The following REXO5 variants were observed in gnomAD, a reference collection of about 807,000 sequenced individuals.
REXO5 encodes the protein RNA exonuclease 5.
REXO5 carries 48 observed loss-of-function variants against 88.5 expected under a neutral mutation model. The ratio of observed to expected loss-of-function variants is 0.54; its 90% CI spans 0.43 to 0.69. REXO5 has a LOEUF of 0.69. REXO5 is among the 30% of genes least tolerant of loss of function. REXO5 has a pLI of 0.00. For missense variants in REXO5, 749 were observed against 912.2 expected, an observed-to-expected ratio of 0.82 and a Z score of 2.30; for synonymous variants, 311 against 336.5, an observed-to-expected ratio of 0.92 and a Z score of 0.83.
chr16:20,824,975 C>G (rs539416198), intron 7 of REXO5, among the ~76,000 whole-genome samples: 1 of 152,146 alleles, frequency 6.6e-6, no homozygotes, highest in Non-Finnish European at 1.5e-5. Flanking sequence ...CGCCACTGCA[C>G]TCCAGCCTGG....
At chr16:20,809,747 T>C (rs2080968017) in intron 2 of REXO5, among the ~76,000 whole-genome samples, 1 of 152,228 alleles carries the variant, frequency 6.6e-6, no homozygotes, top group African/African-American at 2.4e-5. Flanking sequence ...ATTCTTATTT[T>C]TTTGAGACAG....
At chr16:20,841,067 G>T (rs1440805536) in intron 15 of REXO5, among the ~76,000 whole-genome samples, 2 of 152,120 alleles carry the variant, frequency 1.3e-5, no homozygotes, top group Non-Finnish European at 2.9e-5. Flanking sequence ...GAAGATTATG[G>T]GAGGGCTTTT....
chr16:20,808,639 G>T (rs571520259), intron 2 of REXO5: 4 of 141,986 alleles, frequency 2.8e-5, no homozygotes, highest in Admixed American at 7.2e-5. Context: ...TTTTTTTGAG[G>T]TGGAGTCTCC....
At chr16:20,819,504 C>G (rs1450592085) in intron 5 of REXO5, among the ~76,000 whole-genome samples, 1 of 147,718 alleles carries the variant, frequency 6.8e-6, no homozygotes, top group East Asian at 2.0e-4. Flanking sequence ...ACCTATAATC[C>G]CAGCACTTTG....
rs572889494 is a variant in REXO5, at chr16:20,826,254, A to C, written c.821+306A>C. Among the ~76,000 whole-genome samples, 3 of 152,204 alleles carry C rather than the reference A, an allele frequency of 2.0e-5. No individual in the cohort carries two copies. In the East Asian group the frequency reaches 5.8e-4, roughly 29 times the overall value. On this transcript the variant is annotated intron_variant, in intron 8 of 19. Coordinates refer to ENST00000261377, the MANE Select transcript of REXO5 (RefSeq NM_030941.3). ...CAAACAGCTAGAGCTTTGCTTTCTG[A>C]TAAGACCTCATCTGAAAATCTGCAA... is the stretch of plus-strand genomic sequence containing the variant.
In REXO5 at chr16:20,832,201, C is replaced by T; in HGVS notation, c.1204C>T (p.Gln402Ter). The stretch of plus-strand genomic sequence containing the variant: ...AGCACTAGCTAATCACCAAGAAATA[C>T]AAGCAGCAGGCCAAGAGCCTAAAAA... ...LEALANHQEIQAAGQEPKNTA... is the reference protein window; with the variant it reads ...LEALANHQEI The change falls in exon 12 of 20, where the codon CAA (glutamine) becomes TAA (stop). Residue 402 changes from glutamine to a stop codon, truncating the protein, a stop_gained. Transcript: ENST00000261377. LOFTEE classifies it high-confidence loss of function. The T allele has an allele frequency of 6.2e-7, 1 of 1,611,102 alleles. No individual in the cohort carries two copies. The highest frequency in any genetic ancestry group is 8.5e-7 in the Non-Finnish European group (1 of 1,178,630).
At position 20,829,699 on chromosome 16, in the gene REXO5, A is replaced by C. The variant is rs1212340213; in HGVS notation, c.1158+1162A>C. On this transcript the variant is annotated intron_variant, in intron 11 of 19. Transcript: ENST00000261377. The stretch of plus-strand genomic sequence containing the variant: ...ATACATTATCTTATTTAATCCTCAC[A>C]ACAGCCCTGTGAGTTAGCTATTATC... Among the ~76,000 whole-genome samples the C allele has an allele frequency of 3.3e-5, 5 of 152,178 alleles. No individual in the cohort carries two copies. The East Asian group carries it at 9.6e-4, about 29-fold the overall frequency.
intron 15 of REXO5, among the ~76,000 whole-genome samples, chr16:20,843,705 G>C (rs1213336013): frequency 2.0e-5 from 3 of 152,176 alleles, no homozygotes; most frequent in Admixed American, 6.5e-5. Flanking sequence ...AAGCCTGTTG[G>C]GTAGTTCCAT....
chr16:20,811,614 A>G (rs1596565172), intron 2 of REXO5, among the ~76,000 whole-genome samples: 2 of 152,376 alleles, frequency 1.3e-5, no homozygotes, highest in East Asian at 3.9e-4. Flanking sequence ...ATAAGCCTGC[A>G]TTCCAGTCTT....
At chr16:20,806,470 G>A (rs1479892130), upstream of REXO5, 1 of 1,550,548 alleles carries the variant, frequency 6.4e-7, no homozygotes, top group African/African-American at 1.4e-5. Context: ...GCTGCCGGAA[G>A]TCGCTCGACT....
At position 20,816,186 on chromosome 16, in the gene REXO5, C is replaced by T; in HGVS notation, c.449C>T (p.Ala150Val). ...GTTGGGCTACAAACTGAACAAAGAGCTGGAGATCTGCCCAAGACAATGGAA... is the reference window on the plus strand; with the variant it reads ...GTTGGGCTACAAACTGAACAAAGAGTTGGAGATCTGCCCAAGACAATGGAA... ...DVVGLQTEQR[A>V]GDLPKTMEGP... Residue 150 changes from alanine to valine, a missense_variant, in exon 5 of 20, where the codon GCT becomes GTT. Physicochemically the swap from Ala to Val is moderately conservative, Grantham distance 64. Transcript: ENST00000261377. 6.2e-7 allele frequency: 1 copy of T among 1,613,940 alleles called. No individual in the cohort carries two copies. The highest frequency in any genetic ancestry group is 8.5e-7 in the Non-Finnish European group (1 of 1,179,872).
intron 18 of REXO5, among the ~76,000 whole-genome samples, chr16:20,845,590 T>G (rs2081595431): frequency 6.6e-6 from 1 of 152,090 alleles, no homozygotes. Context: ...CTTTTTTGTT[T>G]TCACTTTTAT....
In REXO5 at chr16:20,814,981, G is replaced by T. The variant is rs1230176539; in HGVS notation, c.306G>T (p.Leu102=). 1 of 1,613,606 alleles carries T rather than the reference G, an allele frequency of 6.2e-7. No homozygotes were observed. Among genetic ancestry groups the T allele is most frequent in the South Asian group, 1.1e-5 (1 of 90,954 alleles). ...TAAACAACGTAGTGGTTTTTGTTCT[G>T]CAGGGAATGAGTCAGCTACACTTTT... ...NHLNNVVVFV[L]QGMSQLHFYR... The change falls in exon 4 of 20, where the codon CTG becomes CTT. Residue 102 remains leucine (L), a synonymous_variant. Coordinates refer to ENST00000261377, the MANE Select transcript of REXO5 (RefSeq NM_030941.3).
At chr16:20,813,351 T>TTG in intron 3 of REXO5, 49 bp downstream of exon 3, 1 of 860,490 alleles carries the variant, frequency 1.2e-6, no homozygotes, top group East Asian at 3.0e-5. Flanking sequence ...TTTCTTTTTT[T>TTG]TTTTTTTTTT....
At chr16:20,808,004 G>C (rs1277188956) in intron 2 of REXO5, among the ~76,000 whole-genome samples, 1 of 152,150 alleles carries the variant, frequency 6.6e-6, no homozygotes, top group Non-Finnish European at 1.5e-5. Flanking sequence ...TACCCCCTGA[G>C]CTCCACCTAG....
chr16:20,837,981 G>A (rs1345120613), intron 13 of REXO5, among the ~76,000 whole-genome samples: 3 of 151,982 alleles, frequency 2.0e-5, no homozygotes, highest in Non-Finnish European at 2.9e-5. Context: ...GCCCAGGCTC[G>A]TCTCAAAACT....
At position 20,827,117 on chromosome 16, in the gene REXO5, A is replaced by G. The variant is rs2081271112; in HGVS notation, c.881A>G (p.Gln294Arg). 3.1e-6 allele frequency: 5 copies of G among 1,614,172 alleles called. No homozygotes were observed. Among genetic ancestry groups the G allele is most frequent in the Non-Finnish European group, 3.4e-6 (4 of 1,180,000 alleles). Reference protein sequence around the residue: ...NPVTTKLKDVQRQLKALLPPD... With the variant: ...NPVTTKLKDVRRQLKALLPPD... ...GTGACGACCAAACTCAAAGATGTAC[A>G]GAGGCAGTTAAAAGCACTGCTTCCT... Residue 294 changes from glutamine (Q) to arginine (R), a missense_variant, in exon 9 of 20, where the codon CAG becomes CGG. Coordinates refer to ENST00000261377, the MANE Select transcript of REXO5 (RefSeq NM_030941.3).
intron 8 of REXO5, 69 bp from the exon 9 acceptor site, chr16:20,826,989 A>C: frequency 1.3e-6 from 2 of 1,504,552 alleles, no homozygotes. Flanking sequence ...TGTTATTTTT[A>C]AAATCACTTT....
At chr16:20,834,198 T>C (rs1185253408) in intron 13 of REXO5, among the ~76,000 whole-genome samples, 1 of 152,252 alleles carries the variant, frequency 6.6e-6, no homozygotes, top group Non-Finnish European at 1.5e-5. Flanking sequence ...CAGAGGCAGT[T>C]ATTACTCATC....
Sources: allele counts gnomAD v4.1 joint callset (sites outside exome capture counted in the v4.1 genomes callset), GRCh38; gene constraint gnomAD v4.1.1; transcripts MANE v1.5; gene names NCBI Gene and HGNC (gene_info 2026-07-23, HGNC 2026-07-21).